PPM1L: variants seen among roughly 807,000 people sequenced by gnomAD.
The protein encoded by PPM1L is protein phosphatase, Mg2+/Mn2+ dependent 1L.
PPM1L carries 13 observed loss-of-function variants against 31.4 expected under a neutral mutation model. That is an observed-to-expected ratio of 0.41 (90% CI 0.27 to 0.66). The LOEUF (loss-of-function observed/expected upper bound fraction) is 0.66. PPM1L is among the 30% of genes least tolerant of loss of function. The pLI is 0.29. For missense variants in PPM1L, 326 were observed against 453.7 expected (o/e 0.72, Z 2.56); for synonymous variants, 184 against 175.4 (o/e 1.05, Z -0.39).
At chr3:161,038,372 C>CCTGGT (rs2108087031) in intron 2 of PPM1L, among the ~76,000 whole-genome samples, 1 of 151,822 alleles carries the variant, frequency 6.6e-6, no homozygotes, top group South Asian at 2.1e-4. Flanking sequence ...AGTACAGTGG[C>CCTGGT]ACAATCATAG....
intron 2 of PPM1L, among the ~76,000 whole-genome samples, chr3:161,062,101 A>C (rs983968654): frequency 2.0e-5 from 3 of 152,140 alleles, no homozygotes; most frequent in Non-Finnish European, 4.4e-5. Context: ...CACTGGGCCA[A>C]ATAAACAGTC....
chr3:161,024,836 A>G, intron 2 of PPM1L, among the ~76,000 whole-genome samples: 1 of 152,118 alleles, frequency 6.6e-6, no homozygotes, highest in South Asian at 2.1e-4. Flanking sequence ...CATGATGGTT[A>G]GGCTGCTAAT....
intron 2 of PPM1L, among the ~76,000 whole-genome samples, chr3:161,012,628 G>A (rs1717934003): frequency 6.6e-6 from 1 of 151,764 alleles, no homozygotes; most frequent in Non-Finnish European, 1.5e-5. Flanking sequence ...GTAGAATTTG[G>A]CTGTGAATCC....
chr3:161,048,176 G>T (rs1311067116), intron 2 of PPM1L, among the ~76,000 whole-genome samples: 1 of 152,244 alleles, frequency 6.6e-6, no homozygotes, highest in Non-Finnish European at 1.5e-5. Flanking sequence ...GAAAATTTTT[G>T]CAATCTACTT....
chr3:160,913,178 C>T (rs908486036), intron 1 of PPM1L, among the ~76,000 whole-genome samples: 3 of 151,924 alleles, frequency 2.0e-5, no homozygotes, highest in Non-Finnish European at 2.9e-5. Context: ...TTTTAGGCCC[C>T]CCAACAGGTA....
At chr3:160,796,756 G>A (rs1467236634) in intron 1 of PPM1L, among the ~76,000 whole-genome samples, 3 of 152,122 alleles carry the variant, frequency 2.0e-5, no homozygotes, top group African/African-American at 7.2e-5. Context: ...GTATAAATTG[G>A]TGTGAAACGC....
In PPM1L at chr3:161,004,930, G is replaced by T. The variant is rs1423576790; in HGVS notation, c.574+43020G>T. Reference sequence around the variant, plus strand: ...CTTTTCTAGTTCTTTTAATTGTGATGTTAGGGTGTCAATTTTGGGTCTTTC... The same window carrying T: ...CTTTTCTAGTTCTTTTAATTGTGATTTTAGGGTGTCAATTTTGGGTCTTTC... On this transcript the variant is annotated intron_variant, in intron 2 of 3. Transcript: ENST00000498165. Among the ~76,000 whole-genome samples, 7 of 152,274 alleles carry T rather than the reference G, an allele frequency of 4.6e-5. No individual in the cohort carries two copies. In the South Asian group the frequency reaches 1.5e-3, roughly 32 times the overall value.
intron 2 of PPM1L, among the ~76,000 whole-genome samples, chr3:160,985,226 G>A (rs997086097): frequency 1.3e-5 from 2 of 152,102 alleles, no homozygotes; most frequent in Non-Finnish European, 2.9e-5. Flanking sequence ...GTTACATGGT[G>A]ATTTCCGAGA....
intron 1 of PPM1L, among the ~76,000 whole-genome samples, chr3:160,786,542 A>G (rs1711938685): frequency 6.6e-6 from 1 of 150,552 alleles, no homozygotes; most frequent in African/African-American, 2.4e-5. Context: ...AATTACGAGT[A>G]AAGTTGAACA....
chr3:160,831,593 A>T (rs1444054017), intron 1 of PPM1L, among the ~76,000 whole-genome samples: 1 of 152,186 alleles, frequency 6.6e-6, no homozygotes, highest in Admixed American at 6.5e-5. Flanking sequence ...GGAGCTAATT[A>T]GATGTCTCTT....
chr3:161,039,221 G>A (rs577349447), intron 2 of PPM1L, among the ~76,000 whole-genome samples: 10 of 152,208 alleles, frequency 6.6e-5, no homozygotes, highest in Admixed American at 2.0e-4. Context: ...TTGCACTGTG[G>A]ACTCGCCCTG....
intron 1 of PPM1L, among the ~76,000 whole-genome samples, chr3:160,832,270 C>T (rs143877225): frequency 1.3e-3 from 202 of 152,152 alleles, no homozygotes; most frequent in African/African-American, 4.7e-3. Context: ...GGATGGGGAA[C>T]TCAGGCCAGG....
intron 2 of PPM1L, among the ~76,000 whole-genome samples, chr3:161,003,447 G>C (rs1172641988): frequency 6.6e-6 from 1 of 151,542 alleles, no homozygotes; most frequent in Non-Finnish European, 1.5e-5. Context: ...CCATTTTCAC[G>C]ATATTGATTC....
chr3:161,048,606 T>A (rs1160478120), intron 2 of PPM1L, among the ~76,000 whole-genome samples: 1 of 152,174 alleles, frequency 6.6e-6, no homozygotes, highest in Non-Finnish European at 1.5e-5. Flanking sequence ...TTATATATCA[T>A]GCTGCTGTAA....
intron 2 of PPM1L, among the ~76,000 whole-genome samples, chr3:161,052,477 T>A (rs1336103200): frequency 6.6e-6 from 1 of 152,210 alleles, no homozygotes; most frequent in South Asian, 2.1e-4. Context: ...GACCTTTATC[T>A]TGAGAATATT....
intron 2 of PPM1L, among the ~76,000 whole-genome samples, chr3:160,989,635 C>T (rs1487308944): frequency 1.3e-5 from 2 of 152,006 alleles, no homozygotes; most frequent in African/African-American, 4.8e-5. Context: ...GTGCTAGGGT[C>T]ACAGGCGTGA....
intron 1 of PPM1L, among the ~76,000 whole-genome samples, chr3:160,808,611 G>A (rs993539476): frequency 2.6e-5 from 4 of 152,122 alleles, no homozygotes; most frequent in African/African-American, 9.7e-5. Context: ...AGGAGAAGCA[G>A]CCAGCCCCAA....
At chr3:161,056,359 C>G (rs373108453) in intron 2 of PPM1L, among the ~76,000 whole-genome samples, 51 of 152,252 alleles carry the variant, frequency 3.3e-4, no homozygotes, top group Non-Finnish European at 2.9e-4. Flanking sequence ...TCCATCTCTA[C>G]CATCTTACTC....
chr3:160,836,158 AGG>A (rs1713707999), intron 1 of PPM1L, among the ~76,000 whole-genome samples: 1 of 152,192 alleles, frequency 6.6e-6, no homozygotes, highest in East Asian at 1.9e-4. Context: ...TAAGCTCTGA[AGG>A]CTTCTGGAAG....
Sources: allele counts gnomAD v4.1 joint callset (sites outside exome capture counted in the v4.1 genomes callset), GRCh38; gene constraint gnomAD v4.1.1; transcripts MANE v1.5; gene names NCBI Gene and HGNC (gene_info 2026-07-23, HGNC 2026-07-21).